BNIP2: variants seen among roughly 807,000 people sequenced by gnomAD.
The protein encoded by BNIP2 is BCL2 interacting protein 2.
BNIP2 carries 36 observed loss-of-function variants against 43.4 expected under a neutral mutation model. That is an observed-to-expected ratio of 0.83 (90% CI 0.64 to 1.10). The LOEUF is 1.10. BNIP2 is among the 50% of genes least tolerant of loss of function. The pLI, the probability that BNIP2 is intolerant of heterozygous loss-of-function variation, is 0.00. For missense variants in BNIP2, 417 were observed against 374.1 expected, an observed-to-expected ratio of 1.11 and a Z score of -0.95; for synonymous variants, 146 against 121.0, an observed-to-expected ratio of 1.21 and a Z score of -1.35.
In BNIP2 at chr15:59,679,761, T is replaced by C; in HGVS notation, c.126A>G (p.Leu42=). 1 of 1,513,130 alleles carries C rather than the reference T, an allele frequency of 6.6e-7. No individual in the cohort carries two copies. Among genetic ancestry groups the C allele is most frequent in the Non-Finnish European group, 8.8e-7 (1 of 1,136,118 alleles). The allele number at this position is 1,513,130 out of a possible 1,614,324, so 93.7% of individuals were successfully genotyped here. ...ITGPEDQPGS[L]EVNGNKVRKK... ...TTCTCACTTTATTTCCATTAACTTCTAGTGAGCCTGGAATTGGAAAATAAA... is the reference window on the plus strand; with the variant it reads ...TTCTCACTTTATTTCCATTAACTTCCAGTGAGCCTGGAATTGGAAAATAAA... Residue 42 remains leucine, a synonymous_variant, in exon 4 of 10, where the codon CTA becomes CTG. Transcript: ENST00000607373.
Position 59,679,648 on chromosome 15 carries a change from A to G in BNIP2, c.239T>C (p.Ile80Thr). 1 of 1,613,220 alleles carries G rather than the reference A, an allele frequency of 6.2e-7. No individual in the cohort carries two copies. The highest frequency in any genetic ancestry group is 2.2e-5 in the East Asian group (1 of 44,784). ...CGGTGTGTCTAAGCCATCTAAGTCA[A>G]TCTCCCCACTTTCATCCAAATCATC... is the stretch of plus-strand genomic sequence containing the variant. ...LSDDLDESGE[I>T]DLDGLDTPSE... Residue 80 changes from isoleucine to threonine, a missense_variant, in exon 4 of 10, where the codon ATT becomes ACT. Physicochemically the swap from Ile to Thr is moderately conservative, Grantham distance 89. Coordinates refer to ENST00000607373, the MANE Select transcript of BNIP2 (RefSeq NM_004330.4).
In BNIP2 at chr15:59,682,526, G is replaced by A. The variant is rs757870301; in HGVS notation, c.-57-12C>T. On this transcript the variant is annotated splice_polypyrimidine_tract_variant and intron_variant, in intron 1 of 9. Transcript: ENST00000607373. Reference sequence around the variant, plus strand: ...AGGGAGCCAATGTCCTATGAAGAGAGAAAAATGTATAACTTAATTTCCACT... The same window carrying A: ...AGGGAGCCAATGTCCTATGAAGAGAAAAAAATGTATAACTTAATTTCCACT... 1.3e-6 allele frequency: 2 copies of A among 1,581,398 alleles called. No individual in the cohort carries two copies. The highest frequency in any genetic ancestry group is 3.8e-5 in the Admixed American group (2 of 52,932).
chr15:59,684,384 A>C (rs1212063890), intron 1 of BNIP2, among the ~76,000 whole-genome samples: 1 of 152,238 alleles, frequency 6.6e-6, no homozygotes, highest in East Asian at 1.9e-4. Context: ...AAAAACATTT[A>C]AAATAATCTT....
Position 59,677,898 on chromosome 15 carries a change from C to T in BNIP2, c.472+13G>A, listed in dbSNP as rs1252202887. On this transcript the variant is annotated intron_variant, in intron 5 of 9. Coordinates refer to ENST00000607373, the MANE Select transcript of BNIP2 (RefSeq NM_004330.4). ...TGCATTAAACAATCTGAAAAATCCT[C>T]AGTAACTCTTACCCCCATGGCTGAT... 2 of 1,583,802 alleles carry T rather than the reference C, an allele frequency of 1.3e-6. No individual in the cohort carries two copies. The highest frequency in any genetic ancestry group is 2.3e-5 in the South Asian group (2 of 85,414).
chr15:59,679,599 C>T lies in BNIP2; in HGVS notation c.288G>A (p.Glu96=). ...DTPSENSNEF[E]WEDDLPKPKT... is the part of the protein sequence containing the mutation. ...AAACAGTGAAACATTTACCTTCCCA[C>T]TCAAACTCATTACTATTCTCTGACG... is the stretch of plus-strand genomic sequence containing the variant. Residue 96 remains glutamate (E), a synonymous_variant, in exon 4 of 10, where the codon GAG becomes GAA. Transcript: ENST00000607373. 1 of 1,612,174 alleles carries T rather than the reference C, an allele frequency of 6.2e-7. No individual in the cohort carries two copies. The highest frequency in any genetic ancestry group is 8.5e-7 in the Non-Finnish European group (1 of 1,179,164).
At chr15:59,682,659 T>A in intron 1 of BNIP2, 145 bp from the exon 2 acceptor site, 1 of 596,940 alleles carries the variant, frequency 1.7e-6, no homozygotes, top group Non-Finnish European at 2.7e-6. Flanking sequence ...TGCAATTTTT[T>A]TTTTTTTTTA....
chr15:59,679,042 T>C (rs1392856480), intron 4 of BNIP2, among the ~76,000 whole-genome samples: 2 of 152,146 alleles, frequency 1.3e-5, no homozygotes, highest in East Asian at 1.9e-4. Flanking sequence ...ATTTTCAAGA[T>C]GGAAAAAAAT....
Position 59,671,261 on chromosome 15 carries a change from T to C in BNIP2, c.629A>G (p.Tyr210Cys), listed in dbSNP as rs768941179. 22 of 1,598,280 alleles carry C rather than the reference T, an allele frequency of 1.4e-5. No homozygotes were observed. The South Asian group carries it at 2.1e-4, about 16-fold the overall frequency. Reference protein sequence around the residue: ...LLVAENYMIVYLNGATTRRKM... With the variant: ...LLVAENYMIVCLNGATTRRKM... ...TCTTCGAGTTGTTGCACCATTTAAA[T>C]AAACTATCATGTAGTTTTCTGCTAC... The change falls in exon 7 of 10, where the codon TAT (tyrosine) becomes TGT (cysteine). Residue 210 changes from tyrosine to cysteine, a missense_variant. Transcript: ENST00000607373.
At chr15:59,664,241 G>C (rs934937581) in intron 9 of BNIP2, 121 bp from the exon 10 acceptor site, 4 of 584,422 alleles carry the variant, frequency 6.8e-6, no homozygotes, top group African/African-American at 5.8e-5. Flanking sequence ...CAAAGAAGCA[G>C]ACATAGTAAA....
chr15:59,678,900 A>T, intron 4 of BNIP2: 1 of 1,288,306 alleles, frequency 7.8e-7, no homozygotes, highest in South Asian at 1.3e-5. Flanking sequence ...GTATCTTTAC[A>T]AAGTATTGCT....
At chr15:59,668,715 G>A (rs1222695559) in intron 9 of BNIP2, 177 bp downstream of exon 9, 4 of 534,138 alleles carry the variant, frequency 7.5e-6, no homozygotes, top group Non-Finnish European at 1.3e-5. Flanking sequence ...GCTAACTTAG[G>A]GGGATGGTGT....
rs1176952078 is a variant in BNIP2 at position 59,662,221 on chromosome 15, A to T, written c.*1848T>A. Reference sequence around the variant, plus strand: ...TGAGCAAGATAAAGATGTACAGATGAAAGACTACGTTAAATCGTCTACAAA... The same window carrying T: ...TGAGCAAGATAAAGATGTACAGATGTAAGACTACGTTAAATCGTCTACAAA... On this transcript the variant is annotated 3_prime_UTR_variant, in exon 10 of 10. Transcript: ENST00000607373. The T allele has an allele frequency of 2.6e-5, 4 of 152,242 alleles. No homozygotes were observed. Among genetic ancestry groups the T allele is most frequent in the African/African-American group, 7.2e-5 (3 of 41,464 alleles). 9.4% of individuals were successfully genotyped at this position (152,242 alleles called of 1,614,324 possible).
At chr15:59,677,133 G>A in intron 5 of BNIP2, 9 of 1,600,256 alleles carry the variant, frequency 5.6e-6, no homozygotes, top group Non-Finnish European at 7.7e-6. Flanking sequence ...CATCAATGAG[G>A]CTATTTACAT....
intron 9 of BNIP2, among the ~76,000 whole-genome samples, chr15:59,665,932 G>A (rs1892542447): frequency 6.6e-6 from 1 of 151,772 alleles, no homozygotes; most frequent in Non-Finnish European, 1.5e-5. Flanking sequence ...TAAAGCCAAA[G>A]TAACATTTTA....
chr15:59,660,089 A>T lies in BNIP2; in HGVS notation c.*3980T>A, dbSNP rs921926202. Reference sequence around the variant, plus strand: ...AGCTTAGAACATTTGAGTAGATAATACCCCACTTCCCTCACCAGTTGGCCT... The same window carrying T: ...AGCTTAGAACATTTGAGTAGATAATTCCCCACTTCCCTCACCAGTTGGCCT... On this transcript the variant is annotated 3_prime_UTR_variant, in exon 10 of 10. Transcript: ENST00000607373. 6.6e-6 allele frequency: 1 copy of T among 152,140 alleles called. No individual in the cohort carries two copies. The highest frequency in any genetic ancestry group is 1.5e-5 in the Non-Finnish European group (1 of 68,036). 9.4% of individuals were successfully genotyped at this position (152,140 alleles called of 1,614,324 possible).
chr15:59,675,229 A>C (rs528632318), intron 5 of BNIP2, among the ~76,000 whole-genome samples: 86 of 150,516 alleles, frequency 5.7e-4, no homozygotes, highest in South Asian at 2.3e-3. Context: ...AGCCTGGGTG[A>C]CAGAATGAGA....
At chr15:59,667,936 A>T (rs1892662007) in intron 9 of BNIP2, among the ~76,000 whole-genome samples, 2 of 152,214 alleles carry the variant, frequency 1.3e-5, no homozygotes, top group African/African-American at 4.8e-5. Context: ...TCCAAGTCAT[A>T]TTCAGCCTTA....
intron 6 of BNIP2, chr15:59,672,369 G>A (rs1260753324): frequency 7.5e-6 from 2 of 265,016 alleles, no homozygotes; most frequent in African/African-American, 2.2e-5. Flanking sequence ...GACCTCATGG[G>A]CTCAGGTGAT....
rs1398058025 is a variant in BNIP2 at position 59,682,652 on chromosome 15, A to G, written c.-57-138T>C. ...TCATGAAATTCATTTACAGGGTTGC[A>G]ATTTTTTTTTTTTTTTAAAGAAAAG... On this transcript the variant is annotated intron_variant, in intron 1 of 9. Transcript: ENST00000607373. 6.7e-6 allele frequency: 4 copies of G among 601,118 alleles called. No homozygotes were observed. The Admixed American group carries it at 1.5e-4, about 23-fold the overall frequency. The allele number at this position is 601,118 out of a possible 1,614,324, so 37.2% of individuals were successfully genotyped here. A position where few individuals can be genotyped will look rare whatever the true frequency, so the allele number is the denominator to read the frequency against.
Sources: allele counts gnomAD v4.1 joint callset (sites outside exome capture counted in the v4.1 genomes callset), GRCh38; gene constraint gnomAD v4.1.1; transcripts MANE v1.5; gene names NCBI Gene and HGNC (gene_info 2026-07-23, HGNC 2026-07-21).